The following SSPN variants were observed in gnomAD, a reference collection of about 807,000 sequenced individuals.
SSPN encodes sarcospan.
A neutral mutation model predicts 19.1 loss-of-function variants in SSPN; 15 were observed. The ratio of observed to expected loss-of-function variants is 0.78; its 90% confidence interval spans 0.52 to 1.21. The LOEUF (loss-of-function observed/expected upper bound fraction) is 1.21, where lower values mean the gene tolerates loss of function less well. SSPN is among the 50% of genes most tolerant of loss of function. The probability of loss-of-function intolerance (pLI) is 0.00; values close to 1 mark genes in which losing one functional copy is unlikely to be tolerated. For missense variants in SSPN, 291 were observed against 314.0 expected (o/e 0.93, Z 0.55); for synonymous variants, 147 against 140.3 (o/e 1.05, Z -0.34).
In SSPN at chr12:26,152,066, T is replaced by G. The variant is rs144206146; in HGVS notation, c.-31+29914T>G. On this transcript the variant is annotated intron_variant, in intron 1 of 2. Coordinates refer to the SSPN transcript ENST00000538142. ...ACTACAAAGACAATACACTTTTAAG[T>G]CTAATCTGCATTATTGACATTTCCC... Among the ~76,000 whole-genome samples, 471 of 152,300 alleles carry G rather than the reference T, an allele frequency of 3.1e-3. 4 individuals are homozygous for G. Among genetic ancestry groups the G allele is most frequent in the African/African-American group, 0.011 (450 of 41,558 alleles).
chr12:26,124,394 T>C, intron 1 of SSPN: 1 of 1,115,372 alleles, frequency 9.0e-7, no homozygotes. Flanking sequence ...GCAAGCCACT[T>C]AAAATTCACA....
In SSPN at chr12:26,200,787, T is replaced by C. The variant is rs573663332; in HGVS notation, c.279+4836T>C. 6.6e-5 allele frequency among the ~76,000 whole-genome samples: 10 copies of C among 151,868 alleles called. No homozygotes were observed. In the South Asian group the frequency reaches 2.1e-3, roughly 32 times the overall value. ...TTGGGACTTTAATATGCTTCCAAAATATAATGTCGCATCCCTGGTATCCCT... is the reference window on the plus strand; with the variant it reads ...TTGGGACTTTAATATGCTTCCAAAACATAATGTCGCATCCCTGGTATCCCT... On this transcript the variant is annotated intron_variant, in intron 1 of 2. Transcript: ENST00000242729.
At chr12:26,123,537 A>C in intron 1 of SSPN, 3 of 897,160 alleles carry the variant, frequency 3.3e-6, no homozygotes, top group Non-Finnish European at 5.7e-6. Context: ...GCCCACGGAA[A>C]GAGATGGGGT....
In SSPN at chr12:26,231,958, A is replaced by C; in HGVS notation, c.*882A>C. On this transcript the variant is annotated 3_prime_UTR_variant, in exon 3 of 3. Transcript: ENST00000242729. Reference sequence around the variant, plus strand: ...CGGTGTTAAGAGAAATTACTCTCACAAGAGCAGAGGCCTGAAGATTCTTTC... The same window carrying C: ...CGGTGTTAAGAGAAATTACTCTCACCAGAGCAGAGGCCTGAAGATTCTTTC... 1.0e-6 allele frequency: 1 copy of C among 985,454 alleles called. No individual in the cohort carries two copies. The highest frequency in any genetic ancestry group is 1.2e-6 in the Non-Finnish European group (1 of 829,934). 61.0% of individuals were successfully genotyped at this position (985,454 alleles called of 1,614,324 possible). A position where few individuals can be genotyped will look rare whatever the true frequency, so the allele number is the denominator to read the frequency against.
chr12:26,162,347 T>C (rs1405003786), intron 1 of SSPN, among the ~76,000 whole-genome samples: 2 of 152,246 alleles, frequency 1.3e-5, no homozygotes, highest in African/African-American at 4.8e-5. Context: ...GTCTTTCTTT[T>C]AGGTCAATGA....
At chr12:26,172,748 T>C (rs532735623) in intron 1 of SSPN, among the ~76,000 whole-genome samples, 11 of 151,934 alleles carry the variant, frequency 7.2e-5, no homozygotes, top group Non-Finnish European at 1.2e-4. Context: ...TTCTGTTACA[T>C]GGAATCCACT....
At chr12:26,122,058 G>T (rs1460650265) in exon 1 of SSPN, 14 of 1,549,206 alleles carry the variant, frequency 9.0e-6, no homozygotes, top group East Asian at 2.4e-5. Context: ...CCTTCGGGAC[G>T]CAAGGATTCA....
chr12:26,159,985 G>A (rs1218543267), intron 1 of SSPN, among the ~76,000 whole-genome samples: 1 of 152,164 alleles, frequency 6.6e-6, no homozygotes, highest in African/African-American at 2.4e-5. Flanking sequence ...TGTGACATCT[G>A]CCTCTTGATG....
In SSPN at chr12:26,146,707, CA is replaced by C. The variant is rs1327203389; in HGVS notation, c.-31+24556del. Among the ~76,000 whole-genome samples, 3 of 151,136 alleles carry C rather than the reference CA, an allele frequency of 2.0e-5. No individual in the cohort carries two copies. In the East Asian group the frequency reaches 5.9e-4, roughly 30 times the overall value. On this transcript the variant is annotated intron_variant, in intron 1 of 2. Coordinates refer to the SSPN transcript ENST00000538142. ...GTGTGGTGGCATAGGCCTGTAATTT[CA>C]GCTACTTGGGAGGCTGAAGCAAGAG...
chr12:26,122,505 A>T, intron 1 of SSPN: 1 of 1,307,410 alleles, frequency 7.6e-7, no homozygotes, highest in Non-Finnish European at 9.8e-7. Context: ...GGGCTGCGGG[A>T]AGGGCGCGCC....
chr12:26,128,957 G>T (rs541773763), intron 1 of SSPN, among the ~76,000 whole-genome samples: 2 of 152,134 alleles, frequency 1.3e-5, no homozygotes, highest in Non-Finnish European at 1.5e-5. Flanking sequence ...ACTTTAGAAG[G>T]CCTTATCCTG....
At chr12:26,138,351 T>G (rs56319243) in intron 1 of SSPN, among the ~76,000 whole-genome samples, 37,747 of 152,120 alleles carry the variant, frequency 0.25, 5,101 homozygotes, top group South Asian at 0.37. Flanking sequence ...AAAACAAATT[T>G]TTGATTTTGT....
Position 26,232,351 on chromosome 12 carries a change from G to C in SSPN, c.*1275G>C. On this transcript the variant is annotated 3_prime_UTR_variant, in exon 3 of 3. Transcript: ENST00000242729. The stretch of plus-strand genomic sequence containing the variant: ...GTGGTTTAAAGCACAAATGCCCCAA[G>C]GTGGGGAGACTTCTCTCTGTGATTA... The C allele has an allele frequency of 2.0e-6, 2 of 984,454 alleles. No homozygotes were observed. Among genetic ancestry groups the C allele is most frequent in the Non-Finnish European group, 2.4e-6 (2 of 829,544 alleles). 61.0% of individuals were successfully genotyped at this position (984,454 alleles called of 1,614,324 possible).
intron 1 of SSPN, among the ~76,000 whole-genome samples, chr12:26,133,463 A>G (rs1420101793): frequency 2.0e-5 from 3 of 152,184 alleles, no homozygotes; most frequent in Non-Finnish European, 1.5e-5. Context: ...TGCTTTTAAC[A>G]GTTAGGGTCT....
intron 1 of SSPN, among the ~76,000 whole-genome samples, chr12:26,131,701 G>A (rs1160220342): frequency 6.6e-6 from 1 of 152,244 alleles, no homozygotes; most frequent in Admixed American, 6.5e-5. Flanking sequence ...GGAGGTGAAT[G>A]CTGGAAGAGA....
intron 1 of SSPN, among the ~76,000 whole-genome samples, chr12:26,210,086 T>C (rs1944969185): frequency 6.6e-6 from 1 of 152,004 alleles, no homozygotes; most frequent in Non-Finnish European, 1.5e-5. Context: ...TAGATACAAT[T>C]GTATAATGAA....
chr12:26,224,578 A>C (rs1168519903), intron 2 of SSPN, among the ~76,000 whole-genome samples, 199 bp downstream of exon 2: 5 of 152,054 alleles, frequency 3.3e-5, no homozygotes, highest in Admixed American at 2.0e-4. Flanking sequence ...CTTAATTTCC[A>C]TGAACTGGGT....
At chr12:26,227,174 G>A (rs1169758765) in intron 2 of SSPN, among the ~76,000 whole-genome samples, 1 of 152,184 alleles carries the variant, frequency 6.6e-6, no homozygotes, top group Non-Finnish European at 1.5e-5. Flanking sequence ...TTAAATTACA[G>A]ATTCTAACCC....
chr12:26,162,131 C>A (rs767567472), intron 1 of SSPN, among the ~76,000 whole-genome samples: 3 of 152,220 alleles, frequency 2.0e-5, no homozygotes, highest in Admixed American at 6.5e-5. Flanking sequence ...AAACATATCA[C>A]TGGCCAGTCC....
Sources: allele counts gnomAD v4.1 joint callset (sites outside exome capture counted in the v4.1 genomes callset), GRCh38; gene constraint gnomAD v4.1.1; transcripts MANE v1.5; gene names NCBI Gene and HGNC (gene_info 2026-07-23, HGNC 2026-07-21).